The following RANBP2 variants were observed in gnomAD, a reference collection of about 807,000 sequenced individuals.
RANBP2 encodes E3 SUMO-protein ligase RanBP2.
A neutral mutation model predicts 303.6 loss-of-function variants in RANBP2; 57 were observed. The observed-to-expected ratio is 0.19, with a 90% CI of 0.15 to 0.23. The LOEUF is 0.23. RANBP2 is among the 10% of genes least tolerant of loss of function. The pLI is 1.00. For missense variants in RANBP2, 3,138 were observed against 3,780.8 expected, an observed-to-expected ratio of 0.83 and a Z score of 4.46; for synonymous variants, 1,167 against 1,301.5, an observed-to-expected ratio of 0.90 and a Z score of 2.23.
the RANBP2 span, among the ~76,000 whole-genome samples, chr2:109,093,509 A>G: frequency 6.6e-6 from 1 of 152,012 alleles, no homozygotes; most frequent in Non-Finnish European, 1.5e-5. Flanking sequence ...GTAAGTTATC[A>G]TATACCTTAG....
At chr2:108,971,976 G>A in the RANBP2 span, among the ~76,000 whole-genome samples, 2 of 152,192 alleles carry the variant, frequency 1.3e-5, no homozygotes, top group Non-Finnish European at 2.9e-5. Flanking sequence ...GAGCTCCCGT[G>A]GCCCGGAGCT....
the RANBP2 span, among the ~76,000 whole-genome samples, chr2:109,076,320 A>G: frequency 2.0e-5 from 3 of 150,884 alleles, no homozygotes; most frequent in East Asian, 1.9e-4. Flanking sequence ...GGAAAAGTCT[A>G]TAACTAACAT....
At chr2:109,653,838 T>C in the RANBP2 span, among the ~76,000 whole-genome samples, 208 of 152,302 alleles carry the variant, frequency 1.4e-3, 1 homozygote, top group Middle Eastern at 6.8e-3. Context: ...TGCTAGGGCC[T>C]TTTCTAGCTC....
intron 17 of RANBP2, among the ~76,000 whole-genome samples, 154 bp downstream of exon 17, chr2:108,755,413 CAG>C (rs1676230719): frequency 1.4e-5 from 2 of 147,252 alleles, no homozygotes; most frequent in Admixed American, 6.8e-5. Flanking sequence ...TTTTTTAAGA[CAG>C]GGTCTTGTTC....
the RANBP2 span, among the ~76,000 whole-genome samples, chr2:109,575,840 G>A: frequency 4.0e-3 from 607 of 152,256 alleles, 6 homozygotes; most frequent in African/African-American, 0.014. Context: ...AAAGTTGCCC[G>A]ACCTTTTAGT....
the RANBP2 span, among the ~76,000 whole-genome samples, chr2:109,122,189 G>C: frequency 1.3e-5 from 2 of 152,186 alleles, no homozygotes; most frequent in Non-Finnish European, 2.9e-5. Context: ...CCCATTATTT[G>C]CTCAATATTT....
intron 17 of RANBP2, among the ~76,000 whole-genome samples, chr2:108,756,953 C>CA (rs1345129545): frequency 6.6e-6 from 1 of 152,148 alleles, no homozygotes; most frequent in African/African-American, 2.4e-5. Flanking sequence ...CTGGACTAGG[C>CA]ACTGTAGATG....
the RANBP2 span, among the ~76,000 whole-genome samples, chr2:109,001,886 C>T: frequency 2.0e-5 from 3 of 151,900 alleles, no homozygotes; most frequent in Non-Finnish European, 2.9e-5. Flanking sequence ...CCCGCCACCA[C>T]GCCTGGCTTT....
chr2:109,214,078 C>T, the RANBP2 span, among the ~76,000 whole-genome samples: 174 of 152,226 alleles, frequency 1.1e-3, no homozygotes, highest in African/African-American at 3.8e-3. Flanking sequence ...GGTCACTGGA[C>T]GGCGAGGAGG....
At chr2:108,873,300 G>A in the RANBP2 span, 4 of 38,748 alleles carry the variant, frequency 1.0e-4, 2 homozygotes, top group Non-Finnish European at 3.3e-4. Context: ...TTTTTCAAAT[G>A]ATGATATTTT....
chr2:109,546,006 C>T, the RANBP2 span: 5 of 1,524,052 alleles, frequency 3.3e-6, no homozygotes, highest in South Asian at 6.7e-5. Flanking sequence ...GGCAATGTGA[C>T]AAGTGTGGGC....
At chr2:109,583,707 A>G in the RANBP2 span, among the ~76,000 whole-genome samples, 1 of 152,182 alleles carries the variant, frequency 6.6e-6, no homozygotes, top group South Asian at 2.1e-4. Flanking sequence ...TCATAGCTCT[A>G]TTCACAATAG....
the RANBP2 span, among the ~76,000 whole-genome samples, chr2:108,996,709 A>C: frequency 6.6e-6 from 1 of 151,822 alleles, no homozygotes; most frequent in African/African-American, 2.4e-5. Context: ...ACAGGCCAAC[A>C]GTGTGGCAGT....
chr2:109,452,873 GCCAGGAGGCTGGTC>G, the RANBP2 span, among the ~76,000 whole-genome samples: 1,203 of 143,386 alleles, frequency 8.4e-3, 22 homozygotes, highest in African/African-American at 0.029. Context: ...GGAGGCTGGT[GCCAGGAGGCTGGTC>G]CCAGGAGGCT....
At chr2:109,508,862 G>T in the RANBP2 span, among the ~76,000 whole-genome samples, 2 of 152,216 alleles carry the variant, frequency 1.3e-5, no homozygotes, top group African/African-American at 4.8e-5. Context: ...GGCAAGCCGT[G>T]TGGGTAGTCA....
At chr2:108,789,019 T>G (rs116623105), downstream of RANBP2, 20,615 of 1,593,962 alleles carry the variant, frequency 0.013, 173 homozygotes, top group Non-Finnish European at 0.015. Flanking sequence ...CTCAAAAAAC[T>G]GAGAAAGAGA....
the RANBP2 span, among the ~76,000 whole-genome samples, chr2:109,166,839 C>G: frequency 9.2e-5 from 14 of 152,154 alleles, no homozygotes; most frequent in Admixed American, 4.6e-4. Flanking sequence ...CTATAATCCC[C>G]CATATATGAT....
the RANBP2 span, chr2:109,552,801 G>T: frequency 2.1e-5 from 6 of 279,580 alleles, no homozygotes; most frequent in Non-Finnish European, 4.0e-5. Context: ...AAAGAAAAAT[G>T]TGTGCACCCA....
the RANBP2 span, among the ~76,000 whole-genome samples, chr2:109,700,146 T>A: frequency 7.2e-5 from 11 of 152,326 alleles, no homozygotes; most frequent in Admixed American, 1.3e-4. Context: ...AAATCTTAAG[T>A]CCATTTATAG....
Sources: gnomAD v4.1 joint callset for allele counts (sites outside exome capture counted in the v4.1 genomes callset) on GRCh38, gnomAD v4.1.1 for gene constraint, MANE v1.5 for transcripts, NCBI Gene and HGNC (gene_info 2026-07-23, HGNC 2026-07-21) for gene names.